STIL: variants seen among roughly 807,000 people sequenced by gnomAD.
The protein encoded by STIL is SCL-interrupting locus protein.
A neutral mutation model predicts 110.1 loss-of-function variants in STIL; 55 were observed. The observed-to-expected ratio is 0.50, with a 90% CI of 0.40 to 0.63. STIL has a LOEUF of 0.63. Among genes scored for constraint, STIL ranks in the 20% least tolerant of loss-of-function variants. The pLI is 0.00. For missense variants in STIL, 1,358 were observed against 1,530.0 expected (o/e 0.89, Z 1.87); for synonymous variants, 481 against 530.0 (o/e 0.91, Z 1.27).
Position 47,269,643 on chromosome 1 carries a change from A to G in STIL, c.2607T>C (p.Ser869=). The G allele has an allele frequency of 2.5e-6, 4 of 1,614,136 alleles. No homozygotes were observed. The highest frequency in any genetic ancestry group is 3.4e-6 in the Non-Finnish European group (4 of 1,179,962). ...AATCAAAGAGACCTTACTTGGATAC[A>G]GAAAGTGGCTGGTTAAATTCTTCTT... is the stretch of plus-strand genomic sequence containing the variant. ...AVEEEFNQPL[S]VSNSSSLVVR... The change falls in exon 14 of 17, where the codon TCT becomes TCC. Residue 869 remains serine (S), a synonymous_variant. Coordinates refer to ENST00000371877, the MANE Select transcript of STIL (RefSeq NM_001048166.1).
intron 10 of STIL, chr1:47,283,354 A>C (rs1438802465): frequency 6.6e-6 from 1 of 152,254 alleles, no homozygotes; most frequent in East Asian, 1.9e-4. Flanking sequence ...ACAATGAAGC[A>C]ATCAGAATGT....
chr1:47,276,137 G>A (rs1264059404), intron 12 of STIL, among the ~76,000 whole-genome samples: 1 of 151,880 alleles, frequency 6.6e-6, no homozygotes, highest in Non-Finnish European at 1.5e-5. Flanking sequence ...TAAGTAGCGG[G>A]ATTACAGGCG....
intron 8 of STIL, among the ~76,000 whole-genome samples, chr1:47,289,938 CAAAAAAAAAAAA>C (rs59432279): frequency 3.7e-4 from 38 of 104,012 alleles, no homozygotes; most frequent in African/African-American, 1.3e-3. Flanking sequence ...ACTCCGTCTC[CAAAAAAAAAAAA>C]AAAAAAAAGG....
intron 1 of STIL, among the ~76,000 whole-genome samples, chr1:47,310,977 A>G (rs1006249459): frequency 2.0e-5 from 3 of 152,092 alleles, no homozygotes; most frequent in Non-Finnish European, 4.4e-5. Flanking sequence ...CCTCCTGAGT[A>G]GCTGAGACTG....
chr1:47,285,975 A>T (rs1645286413), intron 10 of STIL, among the ~76,000 whole-genome samples: 1 of 151,786 alleles, frequency 6.6e-6, no homozygotes, highest in South Asian at 2.1e-4. Context: ...CCCGGGTTCA[A>T]GCGATTCTCC....
chr1:47,272,183 A>G lies in STIL; in HGVS notation c.2276T>C (p.Val759Ala). 1 of 1,614,142 alleles carries G rather than the reference A, an allele frequency of 6.2e-7. No individual in the cohort carries two copies. Among genetic ancestry groups the G allele is most frequent in the Non-Finnish European group, 8.5e-7 (1 of 1,180,014 alleles). ...TCTTCCAGCTTGCACTGTGTCTTCA[A>G]CAGCAGTTGTCTTAGGGGAACAGGG... ...LMPCSPKTTA[V>A]EDTVQAGRQM... The change falls in exon 13 of 17, where the codon GTT becomes GCT. Residue 759 changes from valine to alanine, a missense_variant. Coordinates refer to ENST00000371877, the MANE Select transcript of STIL (RefSeq NM_001048166.1).
intron 5 of STIL, 42 bp from the exon 6 acceptor site, chr1:47,300,194 T>A: frequency 6.3e-7 from 1 of 1,588,448 alleles, no homozygotes; most frequent in East Asian, 2.3e-5. Context: ...AACTTTGAAA[T>A]GTGCCCATAT....
intron 3 of STIL, among the ~76,000 whole-genome samples, chr1:47,302,808 T>G (rs922784913): frequency 1.6e-4 from 25 of 152,270 alleles, no homozygotes; most frequent in Admixed American, 5.2e-4. Context: ...TATGATAAAG[T>G]TTAATTTATA....
rs1388583280 is a variant in STIL, at chr1:47,280,949, G to A, written c.1509C>T (p.Cys503=). Residue 503 remains cysteine (C), a synonymous_variant, in exon 12 of 17, where the codon TGC becomes TGT. Transcript: ENST00000371877. ...TATAGGCAGGTGGCTGTCTTACTTT[G>A]CAGTGTCTCAAAAGAGCTGGTTTAT... is the stretch of plus-strand genomic sequence containing the variant. ...NQDKPALLRH[C]KVRQPPAYKK... 6.2e-7 allele frequency: 1 copy of A among 1,613,960 alleles called. No homozygotes were observed. The highest frequency in any genetic ancestry group is 2.2e-5 in the East Asian group (1 of 44,878).
At chr1:47,269,566 T>C (rs1211441347) in intron 14 of STIL, 69 bp downstream of exon 14, 1 of 1,131,290 alleles carries the variant, frequency 8.8e-7, no homozygotes, top group East Asian at 2.5e-5. Context: ...ATATATACAA[T>C]TATTATTTGT....
intron 14 of STIL, among the ~76,000 whole-genome samples, chr1:47,268,403 G>A (rs1023129408): frequency 1.3e-5 from 2 of 151,742 alleles, no homozygotes; most frequent in Non-Finnish European, 2.9e-5. Context: ...CCAAGACAGT[G>A]CCATTGCACT....
intron 14 of STIL, 51 bp from the exon 15 acceptor site, chr1:47,263,167 T>G: frequency 6.5e-7 from 1 of 1,529,420 alleles, no homozygotes; most frequent in South Asian, 1.1e-5. Flanking sequence ...TAACATATAA[T>G]TGAAATGTAG....
At chr1:47,301,871 C>T in intron 4 of STIL, 123 bp from the exon 5 acceptor site, 1 of 859,684 alleles carries the variant, frequency 1.2e-6, no homozygotes, top group South Asian at 1.5e-5. Context: ...CTCTTAAATA[C>T]TAAACTAAAC....
chr1:47,279,759 A>G (rs1242366376), intron 12 of STIL, among the ~76,000 whole-genome samples: 1 of 151,706 alleles, frequency 6.6e-6, no homozygotes, highest in Non-Finnish European at 1.5e-5. Flanking sequence ...CAAAAAACTA[A>G]GAACTCTGCA....
In STIL at chr1:47,281,141, G is replaced by C; in HGVS notation, c.1317C>G (p.Asn439Lys). 6.2e-7 allele frequency: 1 copy of C among 1,614,004 alleles called. No homozygotes were observed. The highest frequency in any genetic ancestry group is 1.1e-5 in the South Asian group (1 of 91,022). ...CCATTTCCAATGGAGTAGGCAGAGG[G>C]TTTGATTCTATGAAATTGCCATCCA... is the stretch of plus-strand genomic sequence containing the variant. Reference protein sequence around the residue: ...LVLDGNFIESNPLPTPLEMVN... With the variant: ...LVLDGNFIESKPLPTPLEMVN... Residue 439 changes from asparagine (N) to lysine (K), a missense_variant, in exon 12 of 17, where the codon AAC becomes AAG. Coordinates refer to ENST00000371877, the MANE Select transcript of STIL (RefSeq NM_001048166.1).
chr1:47,265,958 G>A lies in STIL; in HGVS notation c.2616-2842C>T, dbSNP rs148877283. Among the ~76,000 whole-genome samples, 45 of 152,190 alleles carry A rather than the reference G, an allele frequency of 3.0e-4. No individual in the cohort carries two copies. In the East Asian group the frequency reaches 8.6e-3, roughly 29 times the overall value. On this transcript the variant is annotated intron_variant, in intron 14 of 16. Coordinates refer to ENST00000371877, the MANE Select transcript of STIL (RefSeq NM_001048166.1). Reference sequence around the variant, plus strand: ...AATTTCTGTAATTTTGGTAGAGACAGGGTTTCGCCATGTTACCCAGGCTGG... The same window carrying A: ...AATTTCTGTAATTTTGGTAGAGACAAGGTTTCGCCATGTTACCCAGGCTGG...
Position 47,260,132 on chromosome 1 carries a change from G to A in STIL, c.3080+157C>T, listed in dbSNP as rs1197332819. On this transcript the variant is annotated intron_variant, in intron 16 of 16. Transcript: ENST00000371877. ...GCATATGGTAGGCCCTGAATAAATC[G>A]TGAATCAACTCAATTGAGGCACAAA... is the stretch of plus-strand genomic sequence containing the variant. Among the ~76,000 whole-genome samples the A allele has an allele frequency of 2.6e-5, 4 of 152,112 alleles. No homozygotes were observed. In the South Asian group the frequency reaches 8.3e-4, roughly 32 times the overall value.
intron 14 of STIL, among the ~76,000 whole-genome samples, chr1:47,265,237 C>CAAAAAAAAAAAAAAAAAAA (rs61666574): frequency 1.9e-5 from 1 of 51,658 alleles, no homozygotes; most frequent in African/African-American, 7.0e-5. Flanking sequence ...CTCCATCTCC[C>CAAAAAAAAAAAAAAAAAAA]AAAAAAAAAA....
chr1:47,262,194 A>T (rs1644506128), intron 15 of STIL, among the ~76,000 whole-genome samples: 1 of 152,200 alleles, frequency 6.6e-6, no homozygotes, highest in Non-Finnish European at 1.5e-5. Flanking sequence ...GTGTTCATTG[A>T]TGAATACATA....
Sources: gnomAD v4.1 joint callset for allele counts (sites outside exome capture counted in the v4.1 genomes callset) on GRCh38, gnomAD v4.1.1 for gene constraint, MANE v1.5 for transcripts, NCBI Gene and HGNC (gene_info 2026-07-23, HGNC 2026-07-21) for gene names.